SLC26A11: variants seen among roughly 807,000 people sequenced by gnomAD.
SLC26A11 encodes the protein sodium-independent sulfate anion transporter.
In SLC26A11, 58 loss-of-function variants were observed where a neutral mutation model predicts 62.2. The observed-to-expected ratio is 0.93, with a 90% CI of 0.76 to 1.16. The LOEUF (loss-of-function observed/expected upper bound fraction) is 1.16. SLC26A11 is among the 50% of genes most tolerant of loss of function. The probability of loss-of-function intolerance (pLI) is 0.00; values close to 1 mark genes in which losing one functional copy is unlikely to be tolerated. For synonymous variants in SLC26A11, 411 were observed against 368.9 expected (o/e 1.11, Z -1.31); for missense variants, 790 against 794.3 (o/e 0.99, Z 0.06).
intron 5 of SLC26A11, among the ~76,000 whole-genome samples, chr17:80,225,066 G>A (rs1159900919): frequency 6.6e-6 from 1 of 152,126 alleles, no homozygotes; most frequent in Non-Finnish European, 1.5e-5. Context: ...AGTGCAAGCT[G>A]TGCCTGCACT....
At chr17:80,232,367 G>A (rs1224279772) in intron 7 of SLC26A11, among the ~76,000 whole-genome samples, 1 of 151,672 alleles carries the variant, frequency 6.6e-6, no homozygotes, top group African/African-American at 2.4e-5. Flanking sequence ...CAATTGTTGT[G>A]CCTCAGCCTC....
intron 7 of SLC26A11, among the ~76,000 whole-genome samples, chr17:80,233,519 C>T (rs916359780): frequency 1.1e-4 from 16 of 151,360 alleles, no homozygotes; most frequent in African/African-American, 3.9e-4. Flanking sequence ...GTATAATTTT[C>T]CTTCTACCTG....
chr17:80,241,835 C>G lies in SLC26A11; in HGVS notation c.1036+14C>G. 1.2e-6 allele frequency: 2 copies of G among 1,614,154 alleles called. No individual in the cohort carries two copies. Among genetic ancestry groups the G allele is most frequent in the Non-Finnish European group, 1.7e-6 (2 of 1,180,022 alleles). On this transcript the variant is annotated intron_variant, in intron 10 of 17. Coordinates refer to ENST00000361193, the MANE Select transcript of SLC26A11 (RefSeq NM_001166347.2). ...TGCTGGCCATCGGTAAGACCCCAGCCGCGGGAAGGAAGACACCAGCTGTGG... is the reference window on the plus strand; with the variant it reads ...TGCTGGCCATCGGTAAGACCCCAGCGGCGGGAAGGAAGACACCAGCTGTGG...
At chr17:80,225,509 C>G (rs1022798972) in intron 5 of SLC26A11, 1 of 265,258 alleles carries the variant, frequency 3.8e-6, no homozygotes, top group Non-Finnish European at 7.3e-6. Context: ...CCCATGGCCC[C>G]TGGCCATCAA....
rs1181577059 is a variant in SLC26A11 at position 80,224,456 on chromosome 17, A to AGTGT, written c.513+1120_513+1121insTGTG. 7.9e-3 allele frequency among the ~76,000 whole-genome samples: 902 copies of AGTGT among 114,128 alleles called. 10 individuals are homozygous for AGTGT. The highest frequency in any genetic ancestry group is 0.035 in the African/African-American group (852 of 24,540). 74.9% of individuals were successfully genotyped at this position (114,128 alleles called of 152,430 possible). On this transcript the variant is annotated intron_variant, in intron 5 of 17. Transcript: ENST00000361193. Reference sequence around the variant, plus strand: ...GTGTGGGTGTGAGAGTGTGAGTGTGAGAGTGTGAGTGTGTGAGTGTGAGAA... The same window carrying AGTGT: ...GTGTGGGTGTGAGAGTGTGAGTGTGAGTGTGAGTGTGAGTGTGTGAGTGTGAGAA...
chr17:80,251,058 G>T (rs577206902), intron 16 of SLC26A11, among the ~76,000 whole-genome samples: 6 of 151,878 alleles, frequency 4.0e-5, no homozygotes, highest in Admixed American at 2.0e-4. Flanking sequence ...CTTGAGTCTG[G>T]GAGGTTGAGG....
chr17:80,246,378 T>C lies in SLC26A11; in HGVS notation c.1154-131T>C. 7.0e-7 allele frequency: 1 copy of C among 1,434,934 alleles called. No homozygotes were observed. The highest frequency in any genetic ancestry group is 9.4e-7 in the Non-Finnish European group (1 of 1,063,452). The allele number at this position is 1,434,934 out of a possible 1,614,324, so 88.9% of individuals were successfully genotyped here. A position where few individuals can be genotyped will look rare whatever the true frequency, so the allele number is the denominator to read the frequency against. On this transcript the variant is annotated intron_variant, in intron 12 of 17. Coordinates refer to ENST00000361193, the MANE Select transcript of SLC26A11 (RefSeq NM_001166347.2). This position sits in a 1 kb window ranked among gnomAD's most constrained non-coding sequence, Gnocchi z 4.4. The stretch of plus-strand genomic sequence containing the variant: ...GGACCACAGGAGACTGAGCAGGGGC[T>C]GGGGGCCTTGGCAGTCGTCGCCCTA...
rs576965614 is a variant in SLC26A11, at chr17:80,228,808, G to T, written c.736+848G>T. ...GTTTGAATTGTGCAGCTTTATGGGG[G>T]TACAACTTCAGCTTCAGGCGCGGAG... On this transcript the variant is annotated intron_variant, in intron 7 of 17. Coordinates refer to ENST00000361193, the MANE Select transcript of SLC26A11 (RefSeq NM_001166347.2). This position sits in a 1 kb window ranked among gnomAD's most constrained non-coding sequence, Gnocchi z 4.1. Among the ~76,000 whole-genome samples the T allele has an allele frequency of 8.5e-4, 130 of 152,338 alleles. 2 individuals carry two copies. The highest frequency in any genetic ancestry group is 3.0e-3 in the African/African-American group (124 of 41,582).
At chr17:80,249,107 T>G in intron 15 of SLC26A11, 47 bp from the exon 16 acceptor site, 1 of 1,585,926 alleles carries the variant, frequency 6.3e-7, no homozygotes, top group Non-Finnish European at 8.5e-7. Context: ...CAGAGCAGCT[T>G]TGGGCTGCTC....
Position 80,228,097 on chromosome 17 carries a change from C to T in SLC26A11, c.736+137C>T, listed in dbSNP as rs1224076599. The T allele has an allele frequency of 1.1e-5, 7 of 626,728 alleles. No individual in the cohort carries two copies. Among genetic ancestry groups the T allele is most frequent in the Non-Finnish European group, 1.9e-5 (7 of 372,828 alleles). 38.8% of individuals were successfully genotyped at this position (626,728 alleles called of 1,614,324 possible). On this transcript the variant is annotated intron_variant, in intron 7 of 17. Transcript: ENST00000361193. This position sits in a 1 kb window ranked among gnomAD's most constrained non-coding sequence, Gnocchi z 4.1. ...GAGCATTGGGACATTTAAAACACCA[C>T]ACCAAACTCTGGGACATGTACTTTT...
chr17:80,240,866 G>A (rs12952793), intron 9 of SLC26A11, among the ~76,000 whole-genome samples: 2 of 151,932 alleles, frequency 1.3e-5, no homozygotes, highest in African/African-American at 2.4e-5. Context: ...ATCCCAACAC[G>A]TTGGGAGGCC....
chr17:80,229,806 G>T (rs1304601915), intron 7 of SLC26A11, among the ~76,000 whole-genome samples: 1 of 152,188 alleles, frequency 6.6e-6, no homozygotes, highest in Non-Finnish European at 1.5e-5. Flanking sequence ...CATCTCCTGG[G>T]AGCTTACTGG....
intron 7 of SLC26A11, among the ~76,000 whole-genome samples, chr17:80,229,788 G>A (rs984148494): frequency 3.3e-5 from 5 of 152,310 alleles, no homozygotes; most frequent in Admixed American, 3.3e-4. Flanking sequence ...AGCAGCCTGG[G>A]CACTGGGCAT....
intron 16 of SLC26A11, among the ~76,000 whole-genome samples, chr17:80,251,015 G>A (rs76814045): frequency 0.069 from 10,527 of 151,600 alleles, 914 homozygotes; most frequent in African/African-American, 0.21. Context: ...GCGTGCACCT[G>A]TAGCTACTCA....
chr17:80,250,657 T>C (rs746176547), intron 16 of SLC26A11, among the ~76,000 whole-genome samples: 7 of 147,716 alleles, frequency 4.7e-5, no homozygotes, highest in Non-Finnish European at 1.0e-4. Context: ...TGAAACTCCG[T>C]CTCTACTAAA....
intron 5 of SLC26A11, among the ~76,000 whole-genome samples, chr17:80,224,628 G>C (rs2042354196): frequency 1.3e-5 from 2 of 152,114 alleles, no homozygotes; most frequent in South Asian, 4.1e-4. Flanking sequence ...GGGTGAGCGT[G>C]ATTTGTACGT....
chr17:80,232,911 C>G (rs1405816432), intron 7 of SLC26A11, among the ~76,000 whole-genome samples: 4 of 152,052 alleles, frequency 2.6e-5, no homozygotes, highest in African/African-American at 9.7e-5. Flanking sequence ...ACATCTTTAT[C>G]TTGCTACAGT....
In SLC26A11 at chr17:80,249,291, G is replaced by A; in HGVS notation, c.1656+4G>A. The A allele has an allele frequency of 1.2e-6, 2 of 1,609,536 alleles. No individual in the cohort carries two copies. The highest frequency in any genetic ancestry group is 1.7e-6 in the Non-Finnish European group (2 of 1,179,978). On this transcript the variant is annotated splice_donor_region_variant and intron_variant, in intron 16 of 17. Transcript: ENST00000361193. ...CCTGGCCTTTGTGGGCCTGCAGGTG[G>A]GTGTGCACTGGGCTGCCTTAGGGGT... is the stretch of plus-strand genomic sequence containing the variant.
rs777301397 is a variant in SLC26A11, at chr17:80,221,806, G to A, written c.234+12G>A. 2 of 1,603,006 alleles carry A rather than the reference G, an allele frequency of 1.2e-6. No individual in the cohort carries two copies. Among genetic ancestry groups the A allele is most frequent in the South Asian group, 2.2e-5 (2 of 90,798 alleles). ...GACTCCCGCCCCAGGTGAGGCGTCT[G>A]ACCCTGCTGCCAGCCATATCTCAGA... On this transcript the variant is annotated intron_variant, in intron 3 of 17. Coordinates refer to ENST00000361193, the MANE Select transcript of SLC26A11 (RefSeq NM_001166347.2).
Sources: allele counts gnomAD v4.1 joint callset (sites outside exome capture counted in the v4.1 genomes callset), GRCh38; gene constraint gnomAD v4.1.1; non-coding constraint Gnocchi (gnomAD v3.1); transcripts MANE v1.5; gene names NCBI Gene and HGNC (gene_info 2026-07-23, HGNC 2026-07-21).